ASB13: variants seen among roughly 807,000 people sequenced by gnomAD.
The protein encoded by ASB13 is ankyrin repeat and SOCS box containing 13.
A neutral mutation model predicts 28.8 loss-of-function variants in ASB13; 33 were observed. The ratio of observed to expected loss-of-function variants is 1.15; its 90% confidence interval spans 0.87 to 1.53. The LOEUF is 1.53. Among genes scored for constraint, ASB13 ranks in the 40% most tolerant of loss-of-function variants. ASB13 has a pLI of 0.00. For missense variants in ASB13, 414 were observed against 390.1 expected (o/e 1.06, Z -0.52); for synonymous variants, 182 against 172.9 (o/e 1.05, Z -0.41).
At position 5,661,263 on chromosome 10, in the gene ASB13, G is replaced by A. The variant is rs918352956; in HGVS notation, c.43+5246C>T. 3.3e-5 allele frequency among the ~76,000 whole-genome samples: 5 copies of A among 152,192 alleles called. No homozygotes were observed. The highest frequency in any genetic ancestry group is 7.2e-5 in the African/African-American group (3 of 41,526). On this transcript the variant is annotated intron_variant, in intron 1 of 5. Transcript: ENST00000357700. The surrounding 1 kb of genome is among the most constrained non-coding windows in gnomAD (Gnocchi z 4.9). Reference sequence around the variant, plus strand: ...CTGCCCTGCCTGCACCCACACTGGCGGGCCTCACTTGACCCACACAGGGAC... The same window carrying A: ...CTGCCCTGCCTGCACCCACACTGGCAGGCCTCACTTGACCCACACAGGGAC...
rs1050257228 is a variant in ASB13 at position 5,639,507 on chromosome 10, T to C, written c.*1196A>G. 6.6e-6 allele frequency: 1 copy of C among 152,256 alleles called. No individual in the cohort carries two copies. The highest frequency in any genetic ancestry group is 1.5e-5 in the Non-Finnish European group (1 of 68,078). 9.4% of individuals were successfully genotyped at this position (152,256 alleles called of 1,614,324 possible). ...AGTCCTCCAGTTTAACTCCCTGTTG[T>C]GGGCGGGGTTCTTAAAATTTATGAA... On this transcript the variant is annotated 3_prime_UTR_variant, in exon 6 of 6. Coordinates refer to ENST00000357700, the MANE Select transcript of ASB13 (RefSeq NM_024701.4).
chr10:5,663,859 G>T lies in ASB13; in HGVS notation c.43+2650C>A, dbSNP rs1205481033. Among the ~76,000 whole-genome samples the T allele has an allele frequency of 1.3e-5, 2 of 152,090 alleles. No individual in the cohort carries two copies. The highest frequency in any genetic ancestry group is 1.3e-4 in the Admixed American group (2 of 15,272). On this transcript the variant is annotated intron_variant, in intron 1 of 5. Coordinates refer to ENST00000357700, the MANE Select transcript of ASB13 (RefSeq NM_024701.4). This position sits in a 1 kb window ranked among gnomAD's most constrained non-coding sequence, Gnocchi z 4.9. ...CTACCCTTTAGAAATGCCCTGGACTGCTACCCTAGTGGATTCTCCCTCTCC... is the reference window on the plus strand; with the variant it reads ...CTACCCTTTAGAAATGCCCTGGACTTCTACCCTAGTGGATTCTCCCTCTCC...
In ASB13 at chr10:5,638,919, G is replaced by T. The variant is rs1834763341; in HGVS notation, c.*1784C>A. On this transcript the variant is annotated 3_prime_UTR_variant, in exon 6 of 6. Transcript: ENST00000357700. ...GCAACAGCCGTGGGGACCTGATTCT[G>T]CGCTAAGTGCTCTACTGTGAGACAT... is the stretch of plus-strand genomic sequence containing the variant. The T allele has an allele frequency of 6.6e-6, 1 of 152,286 alleles. No individual in the cohort carries two copies. The highest frequency in any genetic ancestry group is 2.1e-4 in the South Asian group (1 of 4,830). The allele number at this position is 152,286 out of a possible 1,614,324, so 9.4% of individuals were successfully genotyped here.
intron 1 of ASB13, 102 bp downstream of exon 1, chr10:5,666,407 G>C (rs1475462853): frequency 4.7e-6 from 5 of 1,063,196 alleles, no homozygotes; most frequent in South Asian, 3.5e-5. Context: ...GAGCCAGCGC[G>C]GGGCGCGCCA....
chr10:5,643,612 C>G (rs1564214703), intron 4 of ASB13, among the ~76,000 whole-genome samples: 1 of 152,200 alleles, frequency 6.6e-6, no homozygotes, highest in Non-Finnish European at 1.5e-5. Flanking sequence ...AAATATTTCC[C>G]CACAATTCAA....
intron 4 of ASB13, among the ~76,000 whole-genome samples, chr10:5,648,704 A>T (rs1834932496): frequency 6.8e-6 from 1 of 147,514 alleles, no homozygotes; most frequent in Non-Finnish European, 1.5e-5. Context: ...GCGGGCAAAC[A>T]CCCCCGGGGG....
chr10:5,648,454 GCAGGCAAACACCCACT>G (rs1834924972), intron 4 of ASB13, among the ~76,000 whole-genome samples: 3 of 107,074 alleles, frequency 2.8e-5, no homozygotes, highest in Admixed American at 9.5e-5. Flanking sequence ...AAACACCCAC[GCAGGCAAACACCCACT>G]CAGGTAAACA....
chr10:5,647,745 T>A (rs1333358501), intron 4 of ASB13, among the ~76,000 whole-genome samples: 1 of 152,162 alleles, frequency 6.6e-6, no homozygotes, highest in Non-Finnish European at 1.5e-5. Flanking sequence ...GTGTTACAGA[T>A]ATGTAAACTG....
At position 5,660,099 on chromosome 10, in the gene ASB13, T is replaced by C. The variant is rs1835136913; in HGVS notation, c.43+6410A>G. Among the ~76,000 whole-genome samples the C allele has an allele frequency of 6.6e-6, 1 of 152,228 alleles. No homozygotes were observed. Among genetic ancestry groups the C allele is most frequent in the African/African-American group, 2.4e-5 (1 of 41,460 alleles). On this transcript the variant is annotated intron_variant, in intron 1 of 5. Transcript: ENST00000357700. This position sits in a 1 kb window ranked among gnomAD's most constrained non-coding sequence, Gnocchi z 6.1. ...GTCAGGGTCACGGTGTTACACACTA[T>C]GGCTCCTCCTGTTTACCTGCCGCCT...
rs572382311 is a variant in ASB13, at chr10:5,660,715, C to T, written c.43+5794G>A. On this transcript the variant is annotated intron_variant, in intron 1 of 5. Coordinates refer to ENST00000357700, the MANE Select transcript of ASB13 (RefSeq NM_024701.4). This position sits in a 1 kb window ranked among gnomAD's most constrained non-coding sequence, Gnocchi z 6.1. ...ACCAGTCCTGTGGGGAGGGCAGGTG[C>T]GGGTTCTACCATCTCATCTTTGTTC... is the stretch of plus-strand genomic sequence containing the variant. Among the ~76,000 whole-genome samples, 5 of 152,284 alleles carry T rather than the reference C, an allele frequency of 3.3e-5. No homozygotes were observed. Among genetic ancestry groups the T allele is most frequent in the South Asian group, 2.1e-4 (1 of 4,826 alleles).
In ASB13 at chr10:5,651,310, CG is replaced by C. The variant is rs776041034; in HGVS notation, c.284del (p.Ser95TrpfsTer7). 4 of 1,613,904 alleles carry C rather than the reference CG, an allele frequency of 2.5e-6. No homozygotes were observed. Among genetic ancestry groups the C allele is most frequent in the Non-Finnish European group, 3.4e-6 (4 of 1,179,938 alleles). The stretch of plus-strand genomic sequence containing the variant: ...AGAGCTTCACACACTCGATGCTGCC[CG>C]AGGCGCAGGCATCGCAGAGCGGGGT... ...GSTPLCDACA[S>X]GSIECVKLLL... On this transcript the variant is annotated frameshift_variant, in exon 3 of 6. Transcript: ENST00000357700. LOFTEE classifies it high-confidence loss of function. This position sits in a 1 kb window ranked among gnomAD's most constrained non-coding sequence, Gnocchi z 5.1.
rs1835072463 is a variant in ASB13, at chr10:5,656,243, C to A, written c.44-3193G>T. 6.6e-6 allele frequency among the ~76,000 whole-genome samples: 1 copy of A among 152,112 alleles called. No homozygotes were observed. The highest frequency in any genetic ancestry group is 6.5e-5 in the Admixed American group (1 of 15,270). Reference sequence around the variant, plus strand: ...AAATGAATGGAAGGAGTTACTAAAACCAATTATAAAGTCTGACTGGTCAAG... The same window carrying A: ...AAATGAATGGAAGGAGTTACTAAAAACAATTATAAAGTCTGACTGGTCAAG... On this transcript the variant is annotated intron_variant, in intron 1 of 5. Transcript: ENST00000357700. This position sits in a 1 kb window ranked among gnomAD's most constrained non-coding sequence, Gnocchi z 4.3.
chr10:5,649,205 A>G lies in ASB13; in HGVS notation c.383-101T>C, dbSNP rs1224933479. On this transcript the variant is annotated intron_variant, in intron 3 of 5. Transcript: ENST00000357700. This position sits in a 1 kb window ranked among gnomAD's most constrained non-coding sequence, Gnocchi z 6.4. ...GGGCAGCAGCCTCCATCCTTGGTGCAGGGCAGGGAAGCCAGGCAGGCCTGC... is the reference window on the plus strand; with the variant it reads ...GGGCAGCAGCCTCCATCCTTGGTGCGGGGCAGGGAAGCCAGGCAGGCCTGC... 2.0e-6 allele frequency: 3 copies of G among 1,519,346 alleles called. No individual in the cohort carries two copies. The highest frequency in any genetic ancestry group is 2.3e-5 in the East Asian group (1 of 44,150). The allele number at this position is 1,519,346 out of a possible 1,614,324, so 94.1% of individuals were successfully genotyped here.
In ASB13 at chr10:5,658,584, A is replaced by G. The variant is rs1835108946; in HGVS notation, c.44-5534T>C. Among the ~76,000 whole-genome samples the G allele has an allele frequency of 6.6e-6, 1 of 152,156 alleles. No individual in the cohort carries two copies. The highest frequency in any genetic ancestry group is 2.1e-4 in the South Asian group (1 of 4,834). ...AGGAGAAATGGGGAGTTAGTGTTTCATGGGGACAGAATTTCAGTTTTACAG... is the reference window on the plus strand; with the variant it reads ...AGGAGAAATGGGGAGTTAGTGTTTCGTGGGGACAGAATTTCAGTTTTACAG... On this transcript the variant is annotated intron_variant, in intron 1 of 5. Coordinates refer to ENST00000357700, the MANE Select transcript of ASB13 (RefSeq NM_024701.4). The surrounding 1 kb of genome is among the most constrained non-coding windows in gnomAD (Gnocchi z 4.2).
rs947574236 is a variant in ASB13 at position 5,645,240 on chromosome 10, A to G, written c.518-3279T>C. 3.8e-5 allele frequency among the ~76,000 whole-genome samples: 5 copies of G among 131,670 alleles called. No individual in the cohort carries two copies. Among genetic ancestry groups the G allele is most frequent in the East Asian group, 4.6e-4 (2 of 4,320 alleles). The allele number at this position is 131,670 out of a possible 152,430, so 86.4% of individuals were successfully genotyped here. A position where few individuals can be genotyped will look rare whatever the true frequency, so the allele number is the denominator to read the frequency against. On this transcript the variant is annotated intron_variant, in intron 4 of 5. Coordinates refer to ENST00000357700, the MANE Select transcript of ASB13 (RefSeq NM_024701.4). The surrounding 1 kb of genome is among the most constrained non-coding windows in gnomAD (Gnocchi z 5.4). ...GTGCTTGTTACCACAAGAGAAATTG[A>G]AAAAAAAAATTAAATTTAAAAAATT...
In ASB13 at chr10:5,640,756, T is replaced by C. The variant is rs201467795; in HGVS notation, c.784A>G (p.Ile262Val). 12 of 1,614,100 alleles carry C rather than the reference T, an allele frequency of 7.4e-6. No homozygotes were observed. In the African/African-American group the frequency reaches 1.6e-4, roughly 22 times the overall value. The change falls in exon 6 of 6, where the codon ATT becomes GTT. Residue 262 changes from isoleucine (I) to valine (V), a missense_variant. Ile to Val is a conservative substitution (Grantham distance 29, BLOSUM62 3). Coordinates refer to ENST00000357700, the MANE Select transcript of ASB13 (RefSeq NM_024701.4). ...CGGGGCGGGATGTTTAACTTGGCAA[T>C]CTTCTCCAGCCCTCGGACGCCAGTG... is the stretch of plus-strand genomic sequence containing the variant. ...KATGVRGLEKIAKLNIPPRLI... is the reference protein window; with the variant it reads ...KATGVRGLEKVAKLNIPPRLI...
rs1044679850 is a variant in ASB13, at chr10:5,650,724, T to C, written c.382+489A>G. Among the ~76,000 whole-genome samples, 1 of 152,188 alleles carries C rather than the reference T, an allele frequency of 6.6e-6. No individual in the cohort carries two copies. Among genetic ancestry groups the C allele is most frequent in the Non-Finnish European group, 1.5e-5 (1 of 68,038 alleles). The stretch of plus-strand genomic sequence containing the variant: ...CCATGCTCGGGGTGCCCTTTTATCT[T>C]CCCAGCATCTGCAGTCTGCCTATTC... On this transcript the variant is annotated intron_variant, in intron 3 of 5. Coordinates refer to ENST00000357700, the MANE Select transcript of ASB13 (RefSeq NM_024701.4). This position sits in a 1 kb window ranked among gnomAD's most constrained non-coding sequence, Gnocchi z 6.0.
At position 5,642,473 on chromosome 10, in the gene ASB13, C is replaced by A; in HGVS notation, c.518-512G>T. The A allele has an allele frequency of 8.4e-7, 1 of 1,187,690 alleles. No individual in the cohort carries two copies. The highest frequency in any genetic ancestry group is 1.1e-6 in the Non-Finnish European group (1 of 944,676). The allele number at this position is 1,187,690 out of a possible 1,614,324, so 73.6% of individuals were successfully genotyped here. ...TACAAAAGGAAAACAGATAACGTAC[C>A]CAAAACAGTAGGCAATTCAGAGAAG... On this transcript the variant is annotated intron_variant, in intron 4 of 5. Coordinates refer to ENST00000357700, the MANE Select transcript of ASB13 (RefSeq NM_024701.4). The surrounding 1 kb of genome is among the most constrained non-coding windows in gnomAD (Gnocchi z 4.1).
chr10:5,653,974 G>A (rs188444294), intron 1 of ASB13, among the ~76,000 whole-genome samples: 43 of 151,954 alleles, frequency 2.8e-4, no homozygotes, highest in African/African-American at 7.7e-4. Context: ...GAGCCACCAC[G>A]CCCAGCTCTT....
Sources: allele counts gnomAD v4.1 joint callset (sites outside exome capture counted in the v4.1 genomes callset), GRCh38; gene constraint gnomAD v4.1.1; non-coding constraint Gnocchi (gnomAD v3.1); transcripts MANE v1.5; gene names NCBI Gene and HGNC (gene_info 2026-07-23, HGNC 2026-07-21).